UAP1: variants seen among roughly 807,000 people sequenced by gnomAD.
UAP1 encodes the protein UDP-N-acetylhexosamine pyrophosphorylase.
UAP1 carries 25 observed loss-of-function variants against 58.5 expected under a neutral mutation model. The observed-to-expected ratio is 0.43, with a 90% confidence interval of 0.31 to 0.60. The LOEUF is 0.60. UAP1 is among the 20% of genes least tolerant of loss of function. UAP1 has a pLI of 0.11. For missense variants in UAP1, 575 were observed against 630.0 expected (o/e 0.91, Z 0.93); for synonymous variants, 208 against 213.0 (o/e 0.98, Z 0.21).
chr1:162,588,235 A>G (rs1025019375), intron 6 of UAP1: 1 of 155,026 alleles, frequency 6.5e-6, no homozygotes, highest in African/African-American at 2.4e-5. Flanking sequence ...TTTTAAATGA[A>G]GGACATTCTC....
At chr1:162,581,002 T>C (rs190411620) in intron 4 of UAP1, among the ~76,000 whole-genome samples, 8 of 152,310 alleles carry the variant, frequency 5.3e-5, no homozygotes, top group African/African-American at 1.7e-4. Context: ...TATCATACAA[T>C]ATATTACTAA....
intron 5 of UAP1, among the ~76,000 whole-genome samples, chr1:162,583,768 C>T (rs1271640039): frequency 6.6e-6 from 1 of 152,134 alleles, no homozygotes; most frequent in African/African-American, 2.4e-5. Flanking sequence ...GCTGGTACCA[C>T]AGGCGTGCAC....
chr1:162,599,136 A>C, intron 10 of UAP1, 135 bp from the exon 11 acceptor site: 1 of 539,340 alleles, frequency 1.9e-6, no homozygotes, highest in Non-Finnish European at 3.3e-6. Context: ...ATGTCTATTA[A>C]ATAGATTTTG....
At chr1:162,582,755 TATTTAAAAAGAAG>T (rs1389227905) in intron 5 of UAP1, among the ~76,000 whole-genome samples, 1 of 152,216 alleles carries the variant, frequency 6.6e-6, no homozygotes, top group Admixed American at 6.5e-5. Context: ...GAAATATCTG[TATTTAAAAAGAAG>T]ATCTGCCAAA....
intron 4 of UAP1, among the ~76,000 whole-genome samples, chr1:162,580,507 G>A (rs1056874854): frequency 6.6e-6 from 1 of 152,180 alleles, no homozygotes; most frequent in African/African-American, 2.4e-5. Flanking sequence ...GTGACCCTGA[G>A]TACAACCTCA....
At chr1:162,581,513 A>T in intron 5 of UAP1, 54 bp downstream of exon 5, 1 of 1,529,316 alleles carries the variant, frequency 6.5e-7, no homozygotes, top group Non-Finnish European at 8.8e-7. Flanking sequence ...TCTGTCATAT[A>T]CGCATTCCAG....
At chr1:162,565,345 A>G (rs1653422941) in intron 1 of UAP1, among the ~76,000 whole-genome samples, 2 of 152,228 alleles carry the variant, frequency 1.3e-5, no homozygotes, top group African/African-American at 4.8e-5. Context: ...AGCTCTTTAG[A>G]AAACATTTGT....
At chr1:162,583,170 T>TTTC (rs1389306016) in intron 5 of UAP1, among the ~76,000 whole-genome samples, 1 of 146,000 alleles carries the variant, frequency 6.8e-6, no homozygotes, top group Non-Finnish European at 1.5e-5. Context: ...TTTTTTTTTT[T>TTTC]GAGACGCAGT....
intron 7 of UAP1, among the ~76,000 whole-genome samples, chr1:162,589,859 C>A (rs1655191486): frequency 6.6e-6 from 1 of 152,100 alleles, no homozygotes; most frequent in Non-Finnish European, 1.5e-5. Context: ...GAAGTCCCAG[C>A]TACTCAGGAG....
chr1:162,583,088 T>A (rs560455629), intron 5 of UAP1, among the ~76,000 whole-genome samples: 3 of 150,658 alleles, frequency 2.0e-5, no homozygotes, highest in Non-Finnish European at 4.4e-5. Flanking sequence ...GTGATTCTCC[T>A]GCCTCACCCT....
intron 2 of UAP1, among the ~76,000 whole-genome samples, chr1:162,571,678 T>C (rs1402771117): frequency 6.6e-6 from 1 of 152,232 alleles, no homozygotes; most frequent in East Asian, 1.9e-4. Flanking sequence ...CCATATAAAA[T>C]TTATGTTATG....
exon 2 of UAP1, chr1:162,566,226 T>C (rs893889391): frequency 6.2e-7 from 1 of 1,614,146 alleles, no homozygotes; most frequent in East Asian, 2.2e-5. Context: ...CAAAAGGCCA[T>C]TGAAGGTTTT....
At chr1:162,599,422 C>CT (rs1655808530) in exon 11 of UAP1, 2 of 1,102,086 alleles carry the variant, frequency 1.8e-6, no homozygotes, top group African/African-American at 3.1e-5. Context: ...GATAGACCAA[C>CT]TGTGAACCTA....
chr1:162,568,789 G>T (rs1653684114), intron 2 of UAP1, among the ~76,000 whole-genome samples: 1 of 152,178 alleles, frequency 6.6e-6, no homozygotes, highest in Admixed American at 6.5e-5. Context: ...TTTTCCTGGG[G>T]ATTTTAAGGG....
intron 6 of UAP1, among the ~76,000 whole-genome samples, 154 bp from the exon 7 acceptor site, chr1:162,588,539 T>A (rs1446418954): frequency 1.3e-5 from 2 of 152,212 alleles, no homozygotes; most frequent in Non-Finnish European, 2.9e-5. Flanking sequence ...GGAAAGCTAT[T>A]CATTTACTAT....
In UAP1 at chr1:162,564,550, T is replaced by TA. The variant is rs1653369164; in HGVS notation, c.-57-1462_-57-1461insA. ...TCACTCTCATTTTCTCTGCCACTAA[T>TA]CTGGTTCAGACCTTTGGTATTTCAT... On this transcript the variant is annotated intron_variant, in intron 1 of 10. Transcript: ENST00000271469. Among the ~76,000 whole-genome samples, 3 of 152,244 alleles carry TA rather than the reference T, an allele frequency of 2.0e-5. 1 individual carries two copies. The South Asian group carries it at 6.2e-4, about 31-fold the overall frequency.
At chr1:162,587,503 C>G in exon 6 of UAP1, 2 of 1,613,764 alleles carry the variant, frequency 1.2e-6, no homozygotes, top group Non-Finnish European at 1.7e-6. Flanking sequence ...CCTACAGAAC[C>G]AGTTGGAGTG....
At chr1:162,573,023 A>G (rs955053524) in intron 2 of UAP1, among the ~76,000 whole-genome samples, 9 of 152,232 alleles carry the variant, frequency 5.9e-5, no homozygotes, top group African/African-American at 2.2e-4. Flanking sequence ...TCTAGAAACC[A>G]TAGTTTATTT....
At chr1:162,566,775 C>T (rs1346022494) in intron 2 of UAP1, among the ~76,000 whole-genome samples, 7 of 152,046 alleles carry the variant, frequency 4.6e-5, no homozygotes, top group Non-Finnish European at 7.4e-5. Context: ...TATAGGCATG[C>T]ACTACCACGC....
Sources: allele counts gnomAD v4.1 joint callset (sites outside exome capture counted in the v4.1 genomes callset), GRCh38; gene constraint gnomAD v4.1.1; transcripts MANE v1.5; gene names NCBI Gene and HGNC (gene_info 2026-07-23, HGNC 2026-07-21).